Variants in DNAH12 observed in about 807,000 individuals in gnomAD.
The protein encoded by DNAH12 is dynein axonemal heavy chain 12.
Under a neutral mutation model 371.5 loss-of-function variants are expected in DNAH12, and 285 were observed. That is an observed-to-expected ratio of 0.77 (90% CI 0.70 to 0.85). DNAH12 has a LOEUF of 0.85. DNAH12 is among the 40% of genes least tolerant of loss of function. The pLI, the probability that DNAH12 is intolerant of heterozygous loss-of-function variation, is 0.00. For synonymous variants in DNAH12, 1,200 were observed against 1,213.0 expected (o/e 0.99, Z 0.22); for missense variants, 3,611 against 3,689.4 (o/e 0.98, Z 0.55).
chr3:57,476,222 C>A (rs1470576383), intron 13 of DNAH12, among the ~76,000 whole-genome samples: 1 of 151,786 alleles, frequency 6.6e-6, no homozygotes, highest in Non-Finnish European at 1.5e-5. Context: ...ATTAGAAATG[C>A]AAGTTTAAGT....
chr3:57,415,641 T>A (rs969962872), intron 37 of DNAH12, 77 bp from the exon 38 acceptor site: 1 of 1,385,332 alleles, frequency 7.2e-7, no homozygotes, highest in Non-Finnish European at 9.6e-7. Context: ...AGGCGGTAGT[T>A]AAAAGTGTAC....
chr3:57,469,605 A>G (rs2066310410), intron 16 of DNAH12, among the ~76,000 whole-genome samples: 1 of 152,216 alleles, frequency 6.6e-6, no homozygotes, highest in Admixed American at 6.5e-5. Flanking sequence ...AGTGGATTGA[A>G]TAAAAAAAAT....
At chr3:57,432,502 A>G (rs1035422483) in intron 32 of DNAH12, among the ~76,000 whole-genome samples, 5 of 114,310 alleles carry the variant, frequency 4.4e-5, no homozygotes, top group Non-Finnish European at 7.7e-5. Context: ...TTAAATGCTA[A>G]TTAAATGAGT....
At chr3:57,434,372 G>A (rs73074599) in intron 30 of DNAH12, among the ~76,000 whole-genome samples, 21,857 of 152,124 alleles carry the variant, frequency 0.14, 1,613 homozygotes, top group South Asian at 0.21. Flanking sequence ...TAGCATGGCC[G>A]TGACCCACAA....
intron 29 of DNAH12, among the ~76,000 whole-genome samples, chr3:57,439,084 T>C (rs2065223977): frequency 6.6e-6 from 1 of 152,120 alleles, no homozygotes; most frequent in African/African-American, 2.4e-5. Context: ...AAACATCCCA[T>C]GCTCATGGAT....
chr3:57,518,026 C>A (rs2068262283), intron 4 of DNAH12, among the ~76,000 whole-genome samples: 2 of 152,216 alleles, frequency 1.3e-5, no homozygotes, highest in African/African-American at 4.8e-5. Flanking sequence ...TGCACACCAG[C>A]CTGGGTGACA....
chr3:57,361,823 CAAT>C (rs1217147607), intron 58 of DNAH12, among the ~76,000 whole-genome samples: 3 of 151,980 alleles, frequency 2.0e-5, no homozygotes, highest in Non-Finnish European at 4.4e-5. Flanking sequence ...CTTACCAATC[CAAT>C]AATAATAACT....
At chr3:57,294,527 G>A (rs1274889414) in intron 73 of DNAH12, among the ~76,000 whole-genome samples, 1 of 152,164 alleles carries the variant, frequency 6.6e-6, no homozygotes, top group Non-Finnish European at 1.5e-5. Context: ...GACAGGAATA[G>A]ACTTTAAAGT....
At chr3:57,356,258 A>G (rs2062796544) in intron 59 of DNAH12, among the ~76,000 whole-genome samples, 1 of 152,050 alleles carries the variant, frequency 6.6e-6, no homozygotes, top group Admixed American at 6.6e-5. Flanking sequence ...CCTGGGCAAC[A>G]TGGTGAAACC....
At chr3:57,496,573 G>A (rs1032042767) in intron 11 of DNAH12, among the ~76,000 whole-genome samples, 1 of 152,210 alleles carries the variant, frequency 6.6e-6, no homozygotes, top group East Asian at 1.9e-4. Context: ...ATTTAATGAC[G>A]AAAATCTGAA....
At chr3:57,394,066 C>T (rs1430662748) in intron 44 of DNAH12, 105 bp downstream of exon 44, 1 of 152,022 alleles carries the variant, frequency 6.6e-6, no homozygotes, top group Non-Finnish European at 1.5e-5. Flanking sequence ...TTTTAATTAC[C>T]CCCAAACTCA....
chr3:57,325,049 G>A (rs2061905523), intron 62 of DNAH12, among the ~76,000 whole-genome samples: 2 of 152,254 alleles, frequency 1.3e-5, no homozygotes, highest in Non-Finnish European at 2.9e-5. Flanking sequence ...GGCTTGCTTA[G>A]GTAAACAAAG....
chr3:57,398,267 G>C (rs1268657614), intron 43 of DNAH12, among the ~76,000 whole-genome samples: 2 of 152,046 alleles, frequency 1.3e-5, no homozygotes, highest in Non-Finnish European at 2.9e-5. Flanking sequence ...AATAAACGAA[G>C]GTGGAGCAAG....
At chr3:57,499,644 AAAAATAT>A (rs1246965689) in intron 11 of DNAH12, among the ~76,000 whole-genome samples, 1,557 of 40,652 alleles carry the variant, frequency 0.038, 35 homozygotes, top group Non-Finnish European at 0.06. Flanking sequence ...AAAAAAAAAA[AAAAATAT>A]ATATATATAT....
At chr3:57,552,580 C>G in the DNAH12 span, among the ~76,000 whole-genome samples, 3 of 152,008 alleles carry the variant, frequency 2.0e-5, no homozygotes, top group African/African-American at 7.2e-5. Flanking sequence ...TTTCATTAAG[C>G]CCCTTCCATT....
intron 66 of DNAH12, 39 bp downstream of exon 66, chr3:57,314,454 TA>T: frequency 6.5e-7 from 1 of 1,550,104 alleles, no homozygotes; most frequent in Non-Finnish European, 8.7e-7. Flanking sequence ...GCCTGATAAA[TA>T]GTGATCCTTC....
At chr3:57,343,195 GAA>G (rs1553656810) in intron 60 of DNAH12, among the ~76,000 whole-genome samples, 4 of 151,108 alleles carry the variant, frequency 2.6e-5, no homozygotes, top group African/African-American at 9.9e-5. Flanking sequence ...GTGGGGAAAA[GAA>G]AGAGAGATCA....
rs751351468 is a variant in DNAH12 at position 57,502,390 on chromosome 3, A to G, written c.1176T>C (p.Ala392=). 1 of 1,614,220 alleles carries G rather than the reference A, an allele frequency of 6.2e-7. No individual in the cohort carries two copies. The highest frequency in any genetic ancestry group is 8.5e-7 in the Non-Finnish European group (1 of 1,180,034). Residue 392 remains alanine, a synonymous_variant, in exon 10 of 74, where the codon GCT becomes GCC. Transcript: ENST00000495027. ...TELPEHVLHW[A]VDTLKAAVHR... ...GTACTGCTGCCTTCAGTGTATCAAC[A>G]GCCCAGTGTAACACGTGTTCAGGAA...
chr3:57,399,900 T>C (rs981338045), intron 43 of DNAH12, among the ~76,000 whole-genome samples: 5 of 152,220 alleles, frequency 3.3e-5, no homozygotes, highest in Non-Finnish European at 5.9e-5. Context: ...TTAATACATA[T>C]AACATACAAA....
Sources: gnomAD v4.1 joint callset for allele counts (sites outside exome capture counted in the v4.1 genomes callset) on GRCh38, gnomAD v4.1.1 for gene constraint, MANE v1.5 for transcripts, NCBI Gene and HGNC (gene_info 2026-07-23, HGNC 2026-07-21) for gene names.